Variants in PTPRZ1 observed in about 807,000 individuals in gnomAD.
The protein encoded by PTPRZ1 is receptor-type tyrosine-protein phosphatase zeta.
A neutral mutation model predicts 214.1 loss-of-function variants in PTPRZ1; 82 were observed. The ratio of observed to expected loss-of-function variants is 0.38; its 90% CI spans 0.32 to 0.46. The LOEUF (loss-of-function observed/expected upper bound fraction) is 0.46, where lower values mean the gene tolerates loss of function less well. Ranked by LOEUF, PTPRZ1 falls within the 20% of genes least tolerant of loss-of-function variation. The pLI is 1.00. For missense variants in PTPRZ1, 2,603 were observed against 2,748.7 expected, an observed-to-expected ratio of 0.95 and a Z score of 1.19; for synonymous variants, 945 against 987.9, an observed-to-expected ratio of 0.96 and a Z score of 0.81.
At chr7:121,927,245 C>T (rs1438258316) in intron 1 of PTPRZ1, among the ~76,000 whole-genome samples, 4 of 152,312 alleles carry the variant, frequency 2.6e-5, no homozygotes, top group Admixed American at 6.5e-5. Context: ...ACAGTTCTGC[C>T]ATCCGCAATC....
chr7:122,038,261 T>C (rs1215114487), intron 18 of PTPRZ1, among the ~76,000 whole-genome samples: 14 of 152,124 alleles, frequency 9.2e-5, no homozygotes, highest in Admixed American at 9.2e-4. Flanking sequence ...TTGTACAAAA[T>C]GGGACACAGT....
At chr7:121,876,636 C>A (rs1410443122) in intron 1 of PTPRZ1, among the ~76,000 whole-genome samples, 1 of 152,146 alleles carries the variant, frequency 6.6e-6, no homozygotes, top group African/African-American at 2.4e-5. Flanking sequence ...AATATTCATG[C>A]CTTTTTCCCA....
At chr7:121,967,750 G>T (rs929118159) in intron 2 of PTPRZ1, among the ~76,000 whole-genome samples, 1 of 152,120 alleles carries the variant, frequency 6.6e-6, no homozygotes. Context: ...TGGCATGGTT[G>T]TTCTACAGAC....
chr7:121,970,726 C>A (rs1797215065), intron 3 of PTPRZ1, among the ~76,000 whole-genome samples: 1 of 152,060 alleles, frequency 6.6e-6, no homozygotes, highest in Non-Finnish European at 1.5e-5. Flanking sequence ...GAGTAGATTG[C>A]AAAAATTTTC....
In PTPRZ1 at chr7:122,013,357, A is replaced by C. The variant is rs1238609991; in HGVS notation, c.4311A>C (p.Leu1437Phe). ...ATGATGACAGAGGTAGTGATGGCTT[A>C]TCCATTCATAAGTGTATGTCATGCT... is the stretch of plus-strand genomic sequence containing the variant. ...DDDDDRGSDG[L>F]SIHKCMSCSS... Residue 1437 changes from leucine (L) to phenylalanine (F), a missense_variant, in exon 12 of 30, where the codon TTA becomes TTC. Transcript: ENST00000393386. 6.2e-7 allele frequency: 1 copy of C among 1,614,028 alleles called. No individual in the cohort carries two copies. The highest frequency in any genetic ancestry group is 8.5e-7 in the Non-Finnish European group (1 of 1,180,028).
intron 6 of PTPRZ1, among the ~76,000 whole-genome samples, chr7:121,980,251 C>T (rs964008712): frequency 8.5e-5 from 13 of 152,120 alleles, no homozygotes; most frequent in African/African-American, 2.9e-4. Context: ...TCAACACACA[C>T]ATTTTTCATG....
At chr7:121,874,981 C>T (rs1412195270) in intron 1 of PTPRZ1, among the ~76,000 whole-genome samples, 1 of 151,516 alleles carries the variant, frequency 6.6e-6, no homozygotes, top group South Asian at 2.1e-4. Flanking sequence ...GGAAATAAAC[C>T]AGAGAGTATT....
chr7:121,962,400 A>C (rs1435558704), intron 2 of PTPRZ1, among the ~76,000 whole-genome samples: 1 of 151,656 alleles, frequency 6.6e-6, no homozygotes, highest in Non-Finnish European at 1.5e-5. Flanking sequence ...GTGAGCAGAG[A>C]TTGCACCACT....
Position 122,010,951 on chromosome 7 carries a change from T to C in PTPRZ1, c.1905T>C (p.Thr635=), listed in dbSNP as rs1798639861. The stretch of plus-strand genomic sequence containing the variant: ...CTAGAAATGCTTCCGAAGATTCAAC[T>C]TCATCAGGTTCAGAAGAATCACTAA... The part of the protein sequence containing the change: ...ESARNASEDS[T]SSGSEESLKD... The change falls in exon 12 of 30, where the codon ACT becomes ACC. Residue 635 remains threonine, a synonymous_variant. Transcript: ENST00000393386. 2 of 1,614,120 alleles carry C rather than the reference T, an allele frequency of 1.2e-6. No homozygotes were observed. The highest frequency in any genetic ancestry group is 2.2e-5 in the South Asian group (2 of 91,086).
chr7:121,929,366 T>A (rs562331195), intron 2 of PTPRZ1, among the ~76,000 whole-genome samples: 2 of 152,248 alleles, frequency 1.3e-5, no homozygotes, highest in East Asian at 3.9e-4. Context: ...TTGAATAATT[T>A]TTTTATTATG....
In PTPRZ1 at chr7:122,055,094, A is replaced by G. The variant is rs1792308290; in HGVS notation, c.6528+7A>G. 6.5e-7 allele frequency: 1 copy of G among 1,529,588 alleles called. No individual in the cohort carries two copies. Among genetic ancestry groups the G allele is most frequent in the Non-Finnish European group, 8.9e-7 (1 of 1,129,874 alleles). 94.8% of individuals were successfully genotyped at this position (1,529,588 alleles called of 1,614,324 possible). On this transcript the variant is annotated splice_region_variant and intron_variant, in intron 27 of 29. Transcript: ENST00000393386. The stretch of plus-strand genomic sequence containing the variant: ...TATCTTAGAAGCTACACAGGTAAGG[A>G]TATAAGTTAAATGACAAACTTTTTA...
intron 29 of PTPRZ1, 93 bp from the exon 30 acceptor site, chr7:122,060,987 G>A (rs1792557785): frequency 1.5e-6 from 2 of 1,310,018 alleles, no homozygotes; most frequent in African/African-American, 1.5e-5. Context: ...TTCATGAACA[G>A]TGCTGAAGTG....
intron 1 of PTPRZ1, among the ~76,000 whole-genome samples, chr7:121,927,906 A>G (rs1795811884): frequency 6.6e-6 from 1 of 152,170 alleles, no homozygotes. Flanking sequence ...CATTACCTAA[A>G]TATGTACTTT....
intron 8 of PTPRZ1, among the ~76,000 whole-genome samples, chr7:121,993,115 C>G (rs1317039147): frequency 6.6e-6 from 1 of 152,138 alleles, no homozygotes; most frequent in African/African-American, 2.4e-5. Flanking sequence ...TCGAACTCCT[C>G]ATGATCAGGA....
chr7:122,003,668 A>T (rs1263269790), intron 10 of PTPRZ1, among the ~76,000 whole-genome samples: 1 of 152,220 alleles, frequency 6.6e-6, no homozygotes, highest in Non-Finnish European at 1.5e-5. Context: ...CCATAAAGGC[A>T]TGGGAGTTTG....
intron 1 of PTPRZ1, chr7:121,908,868 A>G (rs1314654163): frequency 6.1e-6 from 3 of 494,922 alleles, no homozygotes; most frequent in Non-Finnish European, 8.0e-6. Context: ...AATATATATA[A>G]AATATATAGT....
intron 1 of PTPRZ1, among the ~76,000 whole-genome samples, chr7:121,927,801 A>C (rs188002566): frequency 6.6e-6 from 1 of 152,320 alleles, no homozygotes; most frequent in East Asian, 1.9e-4. Flanking sequence ...CAGGCATTAG[A>C]CTTAGGGAAT....
In PTPRZ1 at chr7:121,873,434, T is replaced by C; in HGVS notation, c.-66T>C. On this transcript the variant is annotated 5_prime_UTR_variant, in exon 1 of 30. Transcript: ENST00000393386. Reference sequence around the variant, plus strand: ...CAAACAAAAAAAACATTTCCTTCGCTCCCCCTCCCTCTCCACTCTGAGAAG... The same window carrying C: ...CAAACAAAAAAAACATTTCCTTCGCCCCCCCTCCCTCTCCACTCTGAGAAG... 6.6e-7 allele frequency: 1 copy of C among 1,526,396 alleles called. No homozygotes were observed. Among genetic ancestry groups the C allele is most frequent in the South Asian group, 1.1e-5 (1 of 87,716 alleles). The allele number at this position is 1,526,396 out of a possible 1,614,324, so 94.6% of individuals were successfully genotyped here.
chr7:121,897,333 T>C (rs1419933329), intron 1 of PTPRZ1, among the ~76,000 whole-genome samples: 1 of 152,132 alleles, frequency 6.6e-6, no homozygotes, highest in Non-Finnish European at 1.5e-5. Flanking sequence ...AGGTTTGACA[T>C]AGATTTAGCG....
Sources: gnomAD v4.1 joint callset for allele counts (sites outside exome capture counted in the v4.1 genomes callset) on GRCh38, gnomAD v4.1.1 for gene constraint, MANE v1.5 for transcripts, NCBI Gene and HGNC (gene_info 2026-07-23, HGNC 2026-07-21) for gene names.